Variants in PBX3 observed in about 807,000 individuals in gnomAD.
PBX3 encodes PBX homeobox 3.
A neutral mutation model predicts 48.5 loss-of-function variants in PBX3; 14 were observed. The ratio of observed to expected loss-of-function variants is 0.29; its 90% CI spans 0.19 to 0.45. PBX3 has a LOEUF of 0.45. Among genes scored for constraint, PBX3 ranks in the 20% least tolerant of loss-of-function variants. The pLI, the probability that PBX3 is intolerant of heterozygous loss-of-function variation, is 1.00. For missense variants in PBX3, 386 were observed against 546.7 expected (o/e 0.71, Z 2.93); for synonymous variants, 210 against 200.3 (o/e 1.05, Z -0.41).
At chr9:125,816,576 G>T (rs867052066) in intron 2 of PBX3, among the ~76,000 whole-genome samples, 1 of 152,206 alleles carries the variant, frequency 6.6e-6, no homozygotes, top group Non-Finnish European at 1.5e-5. Flanking sequence ...GATTAGAGCG[G>T]CTAAGTAAGG....
chr9:125,929,261 T>C (rs1005143282), intron 3 of PBX3, among the ~76,000 whole-genome samples: 2 of 152,262 alleles, frequency 1.3e-5, no homozygotes, highest in Admixed American at 6.5e-5. Flanking sequence ...GTTTGAACTT[T>C]GTAGTTGTTC....
chr9:125,801,399 A>G (rs1483139151), intron 2 of PBX3, among the ~76,000 whole-genome samples: 1 of 152,194 alleles, frequency 6.6e-6, no homozygotes, highest in East Asian at 1.9e-4. Flanking sequence ...TTTCTTGCCT[A>G]CAACTCTGGC....
chr9:125,831,587 T>C lies in PBX3; in HGVS notation c.274+82964T>C, dbSNP rs76983980. 4.6e-3 allele frequency among the ~76,000 whole-genome samples: 701 copies of C among 152,348 alleles called. 8 individuals carry two copies. The highest frequency in any genetic ancestry group is 0.016 in the African/African-American group (651 of 41,582). ...GGAAAGGCAGTATAAAATATTTAAT[T>C]CTTTCCCTTTAATTATCAATTTCCA... On this transcript the variant is annotated intron_variant, in intron 2 of 8. Coordinates refer to ENST00000373489, the MANE Select transcript of PBX3 (RefSeq NM_006195.6).
intron 2 of PBX3, among the ~76,000 whole-genome samples, chr9:125,838,517 A>G (rs1015657953): frequency 6.6e-6 from 1 of 152,224 alleles, no homozygotes; most frequent in African/African-American, 2.4e-5. Context: ...ATTTTGGTAG[A>G]CAAGAAGATT....
chr9:125,944,356 T>A (rs1842023806), intron 5 of PBX3, among the ~76,000 whole-genome samples: 1 of 152,228 alleles, frequency 6.6e-6, no homozygotes, highest in Non-Finnish European at 1.5e-5. Context: ...TACCAGGATT[T>A]TTGGCTATTT....
intron 2 of PBX3, among the ~76,000 whole-genome samples, chr9:125,806,612 C>T (rs1350762048): frequency 6.6e-6 from 1 of 152,108 alleles, no homozygotes; most frequent in Non-Finnish European, 1.5e-5. Context: ...CCTTCCAAAG[C>T]CTGTTAATAC....
At chr9:125,789,418 C>G (rs532229379) in intron 2 of PBX3, among the ~76,000 whole-genome samples, 1 of 152,296 alleles carries the variant, frequency 6.6e-6, no homozygotes, top group South Asian at 2.1e-4. Flanking sequence ...GGGTTTGCCT[C>G]TCTGCTCACT....
chr9:125,813,132 C>T (rs1015593198), intron 2 of PBX3, among the ~76,000 whole-genome samples: 1 of 152,090 alleles, frequency 6.6e-6, no homozygotes, highest in Admixed American at 6.6e-5. Context: ...TAATTTTTAA[C>T]TTTTTGACTT....
chr9:125,778,923 T>C (rs894346770), intron 2 of PBX3, among the ~76,000 whole-genome samples: 14 of 134,236 alleles, frequency 1.0e-4, no homozygotes, highest in Non-Finnish European at 2.2e-4. Context: ...AAAATGCCAT[T>C]TTAACCATTT....
intron 2 of PBX3, among the ~76,000 whole-genome samples, chr9:125,822,796 TTA>T (rs1316605876): frequency 3.9e-5 from 6 of 152,120 alleles, no homozygotes; most frequent in Admixed American, 2.0e-4. Context: ...TAGTAGCTTA[TTA>T]TATTGAGTTA....
At chr9:125,833,096 G>T (rs932129641) in intron 2 of PBX3, among the ~76,000 whole-genome samples, 1 of 152,148 alleles carries the variant, frequency 6.6e-6, no homozygotes, top group African/African-American at 2.4e-5. Flanking sequence ...TTATTCTTGG[G>T]TGCTAATTAT....
intron 2 of PBX3, among the ~76,000 whole-genome samples, chr9:125,777,431 C>T (rs1388361322): frequency 6.6e-6 from 1 of 151,968 alleles, no homozygotes; most frequent in Non-Finnish European, 1.5e-5. Flanking sequence ...TCTGGGCTCA[C>T]TGCAACCTCC....
In PBX3 at chr9:125,966,067, T is replaced by G. The variant is rs1842525155; in HGVS notation, c.*144T>G. 1 of 537,318 alleles carries G rather than the reference T, an allele frequency of 1.9e-6. No individual in the cohort carries two copies. 33.3% of individuals were successfully genotyped at this position (537,318 alleles called of 1,614,324 possible). ...TATTCGAGAACTTGGTAAATCTGTTTTTTAAGGAATCATAATCATTTGTAT... is the reference window on the plus strand; with the variant it reads ...TATTCGAGAACTTGGTAAATCTGTTGTTTAAGGAATCATAATCATTTGTAT... On this transcript the variant is annotated 3_prime_UTR_variant, in exon 9 of 9. Transcript: ENST00000373489.
chr9:125,846,926 T>G (rs906762656), intron 2 of PBX3, among the ~76,000 whole-genome samples: 1 of 151,978 alleles, frequency 6.6e-6, no homozygotes, highest in Non-Finnish European at 1.5e-5. Context: ...CTTTGTACTT[T>G]TTTGTTGAAA....
At chr9:125,919,873 A>AGCT (rs1014132151) in intron 3 of PBX3, among the ~76,000 whole-genome samples, 4 of 152,236 alleles carry the variant, frequency 2.6e-5, no homozygotes, top group African/African-American at 9.6e-5. Context: ...ATTAAATCCA[A>AGCT]GCTGCAAGGC....
At chr9:125,760,191 T>C (rs1368553553) in intron 2 of PBX3, among the ~76,000 whole-genome samples, 1 of 152,254 alleles carries the variant, frequency 6.6e-6, no homozygotes, top group Non-Finnish European at 1.5e-5. Flanking sequence ...GCTGAAAGTT[T>C]ACTTTCTATT....
intron 2 of PBX3, among the ~76,000 whole-genome samples, chr9:125,901,511 A>G (rs1840945057): frequency 6.6e-6 from 1 of 151,726 alleles, no homozygotes; most frequent in East Asian, 1.9e-4. Context: ...CTGAACGGCT[A>G]TATATGTATA....
Position 125,747,649 on chromosome 9 carries a change from G to A in PBX3, c.196G>A (p.Ala66Thr), listed in dbSNP as rs1836228847. 1.3e-6 allele frequency: 2 copies of A among 1,590,744 alleles called. No homozygotes were observed. Among genetic ancestry groups the A allele is most frequent in the East Asian group, 4.8e-5 (2 of 41,592 alleles). ...ITDQSLDEAQ[A>T]KKHALNCHRM... ...CGACCAGAGCTTGGACGAGGCGCAA[G>A]CAAAGTTGGTGTCGTCTCATTAAGC... The change falls in exon 1 of 9, where the codon GCA (alanine) becomes ACA (threonine). Residue 66 changes from alanine (A) to threonine (T), a missense_variant. Ala to Thr is a moderately conservative substitution (Grantham distance 58, BLOSUM62 0). This residue lies in a region of PBX3 where 116 missense variants were observed against 98.2 expected (regional missense o/e 1.18). Coordinates refer to ENST00000373489, the MANE Select transcript of PBX3 (RefSeq NM_006195.6).
At chr9:125,899,352 T>TA (rs1840873303) in intron 2 of PBX3, among the ~76,000 whole-genome samples, 1 of 97,170 alleles carries the variant, frequency 1.0e-5, no homozygotes, top group Non-Finnish European at 2.2e-5. Flanking sequence ...TGTATATATT[T>TA]TTATATAAAT....
Sources: allele counts gnomAD v4.1 joint callset (sites outside exome capture counted in the v4.1 genomes callset), GRCh38; gene constraint gnomAD v4.1.1; regional missense constraint gnomAD v4.1.1; transcripts MANE v1.5; gene names NCBI Gene and HGNC (gene_info 2026-07-23, HGNC 2026-07-21).